OTUD7A: variants seen among roughly 807,000 people sequenced by gnomAD.
The protein encoded by OTUD7A is OTU deubiquitinase 7A, also known as OTU domain-containing protein 7A.
OTUD7A carries 12 observed loss-of-function variants against 65.7 expected under a neutral mutation model. The ratio of observed to expected loss-of-function variants is 0.18; its 90% CI spans 0.12 to 0.30. OTUD7A has a LOEUF of 0.30. OTUD7A is among the 10% of genes least tolerant of loss of function. The pLI, the probability that OTUD7A is intolerant of heterozygous loss-of-function variation, is 1.00. For missense variants in OTUD7A, 1,148 were observed against 1,304.8 expected, an observed-to-expected ratio of 0.88 and a Z score of 1.85; for synonymous variants, 641 against 586.3, an observed-to-expected ratio of 1.09 and a Z score of -1.35.
At chr15:31,670,715 G>A (rs1892459004) in intron 1 of OTUD7A, among the ~76,000 whole-genome samples, 1 of 152,158 alleles carries the variant, frequency 6.6e-6, no homozygotes, top group African/African-American at 2.4e-5. Context: ...CTCCCGGCCG[G>A]GCGCGGTGGC....
At chr15:31,701,935 A>G (rs1034867265) in intron 1 of OTUD7A, among the ~76,000 whole-genome samples, 1 of 146,188 alleles carries the variant, frequency 6.8e-6, no homozygotes, top group Non-Finnish European at 1.5e-5. Context: ...TCAATATTGA[A>G]AAGTAATTAT....
chr15:31,549,913 T>C (rs916883501), intron 5 of OTUD7A, among the ~76,000 whole-genome samples: 4 of 152,024 alleles, frequency 2.6e-5, no homozygotes, highest in Non-Finnish European at 4.4e-5. Context: ...GTAGGCAACA[T>C]GCTACTACAT....
intron 5 of OTUD7A, among the ~76,000 whole-genome samples, chr15:31,543,821 C>G (rs1418144338): frequency 6.6e-6 from 1 of 151,792 alleles, no homozygotes; most frequent in Non-Finnish European, 1.5e-5. Flanking sequence ...TAACACATCT[C>G]TATCGGTAAT....
chr15:31,576,379 G>T (rs1889203769), intron 3 of OTUD7A, among the ~76,000 whole-genome samples: 1 of 152,162 alleles, frequency 6.6e-6, no homozygotes, highest in African/African-American at 2.4e-5. Context: ...TACTGAGTCA[G>T]ACTAAGGCAT....
At chr15:31,485,741 GC>G (rs1476172758) in intron 12 of OTUD7A, among the ~76,000 whole-genome samples, 5 of 152,320 alleles carry the variant, frequency 3.3e-5, no homozygotes, top group African/African-American at 1.2e-4. Context: ...ACCTGAACAG[GC>G]GTCCCTGGCT....
intron 3 of OTUD7A, among the ~76,000 whole-genome samples, chr15:31,631,805 T>C (rs1265549198): frequency 6.6e-6 from 1 of 152,232 alleles, no homozygotes; most frequent in Non-Finnish European, 1.5e-5. Flanking sequence ...TTCTTTTTTC[T>C]CTAATCTTCC....
intron 3 of OTUD7A, among the ~76,000 whole-genome samples, chr15:31,647,361 C>T (rs1891707246): frequency 6.6e-6 from 1 of 152,216 alleles, no homozygotes; most frequent in African/African-American, 2.4e-5. Flanking sequence ...CAAGACTGGG[C>T]AAATCCAGCT....
intron 8 of OTUD7A, among the ~76,000 whole-genome samples, chr15:31,508,711 T>C (rs2041622698): frequency 6.6e-6 from 1 of 152,198 alleles, no homozygotes; most frequent in African/African-American, 2.4e-5. Context: ...GTACCTGTGT[T>C]AAAAGATTTT....
At chr15:31,507,431 T>C (rs961993049) in intron 8 of OTUD7A, among the ~76,000 whole-genome samples, 1 of 152,130 alleles carries the variant, frequency 6.6e-6, no homozygotes, top group Non-Finnish European at 1.5e-5. Context: ...ATTATAAGGT[T>C]GTTAGGCTGT....
chr15:31,499,908 C>A (rs2041441737), intron 10 of OTUD7A, among the ~76,000 whole-genome samples: 2 of 152,226 alleles, frequency 1.3e-5, no homozygotes, highest in Non-Finnish European at 2.9e-5. Flanking sequence ...GGTCCCAAGC[C>A]ACAGCGCCCT....
At chr15:31,800,378 C>G (rs1896087980) in intron 1 of OTUD7A, among the ~76,000 whole-genome samples, 1 of 152,148 alleles carries the variant, frequency 6.6e-6, no homozygotes, top group Non-Finnish European at 1.5e-5. Flanking sequence ...GGCACCTATG[C>G]CCAGGGTCCT....
Position 31,697,823 on chromosome 15 carries a change from G to C in OTUD7A, c.-99-40746C>G, listed in dbSNP as rs1288442881. Among the ~76,000 whole-genome samples the C allele has an allele frequency of 5.9e-5, 9 of 152,230 alleles. 1 individual carries two copies. The highest frequency in any genetic ancestry group is 3.2e-3 in the Middle Eastern group (1 of 316). ...ACCTGAACAGCAAAGCCAATGCGCTGTGTTAGCATTGTGCCACTTCTCGAA... is the reference window on the plus strand; with the variant it reads ...ACCTGAACAGCAAAGCCAATGCGCTCTGTTAGCATTGTGCCACTTCTCGAA... On this transcript the variant is annotated intron_variant, in intron 1 of 12. Coordinates refer to ENST00000307050, the MANE Select transcript of OTUD7A (RefSeq NM_001382637.1).
chr15:31,656,847 C>G (rs937658845), intron 2 of OTUD7A, 136 bp downstream of exon 2: 1 of 152,198 alleles, frequency 6.6e-6, no homozygotes, highest in African/African-American at 2.4e-5. Context: ...ACGTGCAAGA[C>G]CCTGAGGACT....
chr15:31,782,733 GA>G (rs1895573727), intron 1 of OTUD7A, among the ~76,000 whole-genome samples: 1 of 151,904 alleles, frequency 6.6e-6, no homozygotes, highest in Non-Finnish European at 1.5e-5. Context: ...TGGGGGTACA[GA>G]GAGAGAGTAA....
rs983550887 is a variant in OTUD7A, at chr15:31,657,010, T to C, written c.-32A>G. The C allele has an allele frequency of 3.3e-5, 5 of 152,666 alleles. No homozygotes were observed. The highest frequency in any genetic ancestry group is 1.3e-4 in the Admixed American group (2 of 15,290). 9.5% of individuals were successfully genotyped at this position (152,666 alleles called of 1,614,324 possible). ...GATGTATATGGTACCAATTAGGAAATTGATTTCTTCCTTCTCTCCATGCAC... is the reference window on the plus strand; with the variant it reads ...GATGTATATGGTACCAATTAGGAAACTGATTTCTTCCTTCTCTCCATGCAC... On this transcript the variant is annotated 5_prime_UTR_variant, in exon 2 of 13. Transcript: ENST00000307050.
intron 3 of OTUD7A, among the ~76,000 whole-genome samples, chr15:31,611,991 T>C (rs1332462571): frequency 6.6e-6 from 1 of 152,210 alleles, no homozygotes; most frequent in Non-Finnish European, 1.5e-5. Flanking sequence ...CAGAAACGAT[T>C]TAACATATGC....
chr15:31,653,264 AAAAGAAAAAAC>A (rs1431018247), intron 3 of OTUD7A, among the ~76,000 whole-genome samples: 1 of 152,042 alleles, frequency 6.6e-6, no homozygotes, highest in African/African-American at 2.4e-5. Flanking sequence ...CCAAAAAAAA[AAAAGAAAAAAC>A]AAAGAAAAAT....
chr15:31,793,664 T>C (rs1895877547), intron 1 of OTUD7A, among the ~76,000 whole-genome samples: 2 of 152,266 alleles, frequency 1.3e-5, no homozygotes, highest in South Asian at 2.1e-4. Context: ...TGGAAGGAGA[T>C]GTCCCATCGT....
chr15:31,856,350 T>C (rs377128803), intron 1 of OTUD7A, among the ~76,000 whole-genome samples: 1 of 152,218 alleles, frequency 6.6e-6, no homozygotes, highest in Non-Finnish European at 1.5e-5. Context: ...ATGACTCCCA[T>C]TTTACTGTTT....
Sources: gnomAD v4.1 joint callset for allele counts (sites outside exome capture counted in the v4.1 genomes callset) on GRCh38, gnomAD v4.1.1 for gene constraint, MANE v1.5 for transcripts, NCBI Gene and HGNC (gene_info 2026-07-23, HGNC 2026-07-21) for gene names.